The following NIN variants were observed in gnomAD, a reference collection of about 807,000 sequenced individuals.
NIN encodes ninein, also known as glycogen synthase kinase 3 beta-interacting protein.
In NIN, 137 loss-of-function variants were observed where a neutral mutation model predicts 257.6. That is an observed-to-expected ratio of 0.53 (90% confidence interval 0.46 to 0.61). The LOEUF (loss-of-function observed/expected upper bound fraction) is 0.61, where lower values mean the gene tolerates loss of function less well. Among genes scored for constraint, NIN ranks in the 20% least tolerant of loss-of-function variants. The pLI is 0.00. For synonymous variants in NIN, 918 were observed against 919.8 expected, an observed-to-expected ratio of 1.00 and a Z score of 0.04; for missense variants, 2,439 against 2,501.2, an observed-to-expected ratio of 0.98 and a Z score of 0.53.
At chr14:50,747,147 G>T (rs116580792) in intron 22 of NIN, among the ~76,000 whole-genome samples, 2 of 152,130 alleles carry the variant, frequency 1.3e-5, no homozygotes, top group Non-Finnish European at 2.9e-5. Context: ...GAGCCACTGC[G>T]CCTGGCCTAA....
At chr14:50,747,853 A>G in intron 22 of NIN, 139 bp downstream of exon 22, 1 of 615,500 alleles carries the variant, frequency 1.6e-6, no homozygotes. Flanking sequence ...CAACTTTGCC[A>G]AGCAGTATGT....
chr14:50,822,852 T>C (rs1164667603), intron 2 of NIN, among the ~76,000 whole-genome samples: 3 of 152,238 alleles, frequency 2.0e-5, no homozygotes, highest in African/African-American at 2.4e-5. Context: ...TAATGCTTAG[T>C]TGCCTAGAGA....
chr14:50,823,306 T>G, intron 2 of NIN: 2 of 566,292 alleles, frequency 3.5e-6, no homozygotes, highest in South Asian at 2.9e-5. Context: ...CTCAGCCATC[T>G]GCAACAAGGC....
chr14:50,815,468 G>A (rs140820254), intron 3 of NIN, among the ~76,000 whole-genome samples: 2,491 of 152,234 alleles, frequency 0.016, 83 homozygotes, highest in African/African-American at 0.057. Flanking sequence ...CAACCATTGC[G>A]GAAGATAGTG....
rs1172904445 is a variant in NIN at position 50,722,215 on chromosome 14, C to T, written c.*1248G>A. Reference sequence around the variant, plus strand: ...GTTGACTGTTCTATAAAGTTTTGATCTTGAGCATGAGTGGAAAGTCCTATT... The same window carrying T: ...GTTGACTGTTCTATAAAGTTTTGATTTTGAGCATGAGTGGAAAGTCCTATT... On this transcript the variant is annotated 3_prime_UTR_variant, in exon 31 of 31. Transcript: ENST00000530997. The T allele has an allele frequency of 4.4e-6, 1 of 225,518 alleles. No individual in the cohort carries two copies. Among genetic ancestry groups the T allele is most frequent in the Non-Finnish European group, 8.8e-6 (1 of 113,284 alleles). 14.0% of individuals were successfully genotyped at this position (225,518 alleles called of 1,614,324 possible).
chr14:50,771,037 C>A, intron 10 of NIN, 45 bp from the exon 11 acceptor site: 1 of 1,591,294 alleles, frequency 6.3e-7, no homozygotes, highest in Non-Finnish European at 8.6e-7. Context: ...TGTTTCTAAG[C>A]AACAAGTAGA....
intron 24 of NIN, among the ~76,000 whole-genome samples, chr14:50,742,855 T>C (rs2041355405): frequency 1.3e-5 from 2 of 152,256 alleles, no homozygotes; most frequent in Admixed American, 1.3e-4. Flanking sequence ...CAAGCAGTCA[T>C]TTTTATGCAC....
In NIN at chr14:50,722,115, C is replaced by T. The variant is rs1485748887; in HGVS notation, c.*1348G>A. 1 of 224,222 alleles carries T rather than the reference C, an allele frequency of 4.5e-6. No individual in the cohort carries two copies. The highest frequency in any genetic ancestry group is 2.3e-5 in the African/African-American group (1 of 42,724). 13.9% of individuals were successfully genotyped at this position (224,222 alleles called of 1,614,324 possible). ...GGAAAGTGCCCTGCACCTAGTAAGT[C>T]TTCCACCAACTGCTGGCGGAAGTGG... is the stretch of plus-strand genomic sequence containing the variant. On this transcript the variant is annotated 3_prime_UTR_variant, in exon 31 of 31. Transcript: ENST00000530997.
intron 12 of NIN, among the ~76,000 whole-genome samples, chr14:50,768,719 G>GT (rs896341380): frequency 7.2e-5 from 11 of 152,070 alleles, no homozygotes; most frequent in East Asian, 1.9e-4. Context: ...TGTTTTTGTT[G>GT]TTTTTTTGCA....
intron 24 of NIN, among the ~76,000 whole-genome samples, chr14:50,743,204 A>C (rs181817972): frequency 6.6e-6 from 1 of 151,880 alleles, no homozygotes; most frequent in East Asian, 1.9e-4. Flanking sequence ...TCCTGACCTC[A>C]AGTGATCTGC....
chr14:50,725,426 C>T (rs537696912), intron 30 of NIN, among the ~76,000 whole-genome samples: 1 of 152,254 alleles, frequency 6.6e-6, no homozygotes, highest in East Asian at 1.9e-4. Flanking sequence ...TAGATTCTAA[C>T]TCAAAGTACA....
chr14:50,727,277 A>G (rs1348198327), intron 29 of NIN: 1 of 977,688 alleles, frequency 1.0e-6, no homozygotes, highest in Non-Finnish European at 1.2e-6. Flanking sequence ...ATTTCCTGTC[A>G]AAAAGATTTG....
At chr14:50,781,398 G>A (rs1017297951) in intron 5 of NIN, among the ~76,000 whole-genome samples, 2 of 152,128 alleles carry the variant, frequency 1.3e-5, no homozygotes, top group African/African-American at 2.4e-5. Flanking sequence ...AAAAATCCTC[G>A]TCATTACTAA....
At chr14:50,727,477 G>A (rs1439472199) in intron 29 of NIN, 1 of 1,187,934 alleles carries the variant, frequency 8.4e-7, no homozygotes, top group Non-Finnish European at 1.1e-6. Flanking sequence ...GCTGATGTTT[G>A]TGAATTTGAT....
In NIN at chr14:50,729,688, C is replaced by A. The variant is rs145555295; in HGVS notation, c.5913G>T (p.Pro1971=). The change falls in exon 29 of 31, where the codon CCG becomes CCT. Residue 1971 remains proline (P), a synonymous_variant. Transcript: ENST00000530997. ...QHLRSTATPS[P]SPHAWDLQLL... is the part of the protein sequence containing the mutation. Reference sequence around the variant, plus strand: ...GCTGCAAATCCCAAGCATGAGGGGACGGGCTAGGCGTCGCAGTGGACCTCA... The same window carrying A: ...GCTGCAAATCCCAAGCATGAGGGGAAGGGCTAGGCGTCGCAGTGGACCTCA... The A allele has an allele frequency of 6.8e-6, 11 of 1,611,810 alleles. No individual in the cohort carries two copies. The highest frequency in any genetic ancestry group is 7.6e-6 in the Non-Finnish European group (9 of 1,178,876).
At chr14:50,800,031 C>T (rs982869864) in intron 4 of NIN, among the ~76,000 whole-genome samples, 2 of 146,840 alleles carry the variant, frequency 1.4e-5, no homozygotes, top group Non-Finnish European at 3.1e-5. Context: ...CACACACACA[C>T]ACACACACAC....
At position 50,735,534 on chromosome 14, in the gene NIN, C is replaced by A. The variant is rs567085977; in HGVS notation, c.5859G>T (p.Leu1953=). The A allele has an allele frequency of 6.2e-7, 1 of 1,613,244 alleles. No individual in the cohort carries two copies. Among genetic ancestry groups the A allele is most frequent in the South Asian group, 1.1e-5 (1 of 91,074 alleles). ...NEGLKKKQVK[L]DEQLMEMQHL... ...AACTTACCTCCATGAGCTGCTCATCCAGTTTTACTTGTTTCTTTTTCAGGC... is the reference window on the plus strand; with the variant it reads ...AACTTACCTCCATGAGCTGCTCATCAAGTTTTACTTGTTTCTTTTTCAGGC... The change falls in exon 28 of 31, where the codon CTG becomes CTT. Residue 1953 remains leucine (L), a synonymous_variant. Transcript: ENST00000530997.
At chr14:50,764,087 C>A in intron 14 of NIN, 123 bp from the exon 15 acceptor site, 2 of 784,394 alleles carry the variant, frequency 2.5e-6, no homozygotes, top group South Asian at 1.8e-5. Context: ...AGGACACTAT[C>A]AAGAAAGTAG....
intron 2 of NIN, among the ~76,000 whole-genome samples, chr14:50,824,853 G>C (rs1158231105): frequency 6.6e-6 from 1 of 152,134 alleles, no homozygotes; most frequent in Non-Finnish European, 1.5e-5. Flanking sequence ...TTTCTCAAAG[G>C]CATTTTCAGC....
Sources: gnomAD v4.1 joint callset for allele counts (sites outside exome capture counted in the v4.1 genomes callset) on GRCh38, gnomAD v4.1.1 for gene constraint, MANE v1.5 for transcripts, NCBI Gene and HGNC (gene_info 2026-07-23, HGNC 2026-07-21) for gene names.